Variants in CFAP20DC observed in about 807,000 individuals in gnomAD.
CFAP20DC encodes CFAP20 domain containing.
Under a neutral mutation model 101.7 loss-of-function variants are expected in CFAP20DC, and 84 were observed. The observed-to-expected ratio is 0.83, with a 90% confidence interval of 0.69 to 0.99. The LOEUF (loss-of-function observed/expected upper bound fraction) is 0.99. Among genes scored for constraint, CFAP20DC ranks in the 50% least tolerant of loss-of-function variants. The probability of loss-of-function intolerance (pLI) is 0.00; values close to 1 mark genes in which losing one functional copy is unlikely to be tolerated. For synonymous variants in CFAP20DC, 359 were observed against 351.2 expected (o/e 1.02, Z -0.25); for missense variants, 1,007 against 970.3 (o/e 1.04, Z -0.50).
chr3:58,870,916 A>G lies in CFAP20DC; in HGVS notation c.716-607T>C, dbSNP rs1364669252. On this transcript the variant is annotated intron_variant, in intron 7 of 16. Coordinates refer to ENST00000482387, the MANE Select transcript of CFAP20DC (RefSeq NM_001394063.1). ...TCTCAAAAAAAAAAAAAAAAAAAAA[A>G]AAAAAAAAGAAAAAAGGAAAAGCTA... 1.5e-4 allele frequency among the ~76,000 whole-genome samples: 23 copies of G among 150,208 alleles called. 1 individual carries two copies. Among genetic ancestry groups the G allele is most frequent in the African/African-American group, 5.1e-4 (21 of 41,182 alleles).
intron 5 of CFAP20DC, among the ~76,000 whole-genome samples, chr3:58,934,828 C>A (rs1390773477): frequency 1.3e-5 from 2 of 152,150 alleles, no homozygotes; most frequent in African/African-American, 2.4e-5. Flanking sequence ...ACTGAATGGG[C>A]AAAAACTGGA....
At chr3:58,819,957 C>T (rs2075502492) in intron 14 of CFAP20DC, among the ~76,000 whole-genome samples, 1 of 134,134 alleles carries the variant, frequency 7.5e-6, no homozygotes, top group Non-Finnish European at 1.6e-5. Context: ...ATCAAGTGGG[C>T]TTCATCCCTG....
Position 58,867,912 on chromosome 3 carries a change from G to A in CFAP20DC, c.1040C>T (p.Pro347Leu), listed in dbSNP as rs141916956. ...TGCTGATGGTTCTTGAGGGGGATGC[G>A]GATGCATAATATGTAGATTGGCTGC... ...IHAANLHIMH[P>L]HPPQEPSADK... Residue 347 changes from proline (P) to leucine (L), a missense_variant, in exon 10 of 17, where the codon CCG becomes CTG. Pro to Leu is a moderately conservative substitution (Grantham distance 98). Coordinates refer to ENST00000482387, the MANE Select transcript of CFAP20DC (RefSeq NM_001394063.1). 7.4e-6 allele frequency: 12 copies of A among 1,612,134 alleles called. No individual in the cohort carries two copies. Among genetic ancestry groups the A allele is most frequent in the Admixed American group, 5.0e-5 (3 of 59,832 alleles).
intron 7 of CFAP20DC, among the ~76,000 whole-genome samples, chr3:58,871,447 C>T (rs183544480): frequency 2.6e-5 from 4 of 152,234 alleles, no homozygotes; most frequent in Admixed American, 1.3e-4. Context: ...AATCCTGCTG[C>T]CTTCCCTTCT....
intron 4 of CFAP20DC, among the ~76,000 whole-genome samples, chr3:59,035,485 A>G (rs1242532878): frequency 6.6e-6 from 1 of 152,196 alleles, no homozygotes; most frequent in Non-Finnish European, 1.5e-5. Context: ...AATCAAAAAG[A>G]CACAATAAAA....
intron 12 of CFAP20DC, among the ~76,000 whole-genome samples, chr3:58,851,428 T>C (rs2078220113): frequency 1.3e-5 from 2 of 152,186 alleles, no homozygotes; most frequent in South Asian, 2.1e-4. Context: ...TATATCATAC[T>C]GAGTAATTCT....
At chr3:58,748,188 G>A (rs773061776) in intron 16 of CFAP20DC, among the ~76,000 whole-genome samples, 24 of 152,104 alleles carry the variant, frequency 1.6e-4, no homozygotes, top group Non-Finnish European at 2.6e-4. Flanking sequence ...AACTCTAAAC[G>A]CACTTTGTTA....
chr3:58,731,096 G>GA (rs1333697885), intron 3 of CFAP20DC, among the ~76,000 whole-genome samples: 2 of 152,134 alleles, frequency 1.3e-5, no homozygotes, highest in Non-Finnish European at 2.9e-5. Flanking sequence ...CTTTTCAGGA[G>GA]AAAAAAATTA....
At chr3:58,802,245 T>C (rs978320008) in intron 15 of CFAP20DC, among the ~76,000 whole-genome samples, 4 of 152,182 alleles carry the variant, frequency 2.6e-5, no homozygotes, top group Non-Finnish European at 4.4e-5. Context: ...CACAAACCAA[T>C]AGATGGCATT....
At chr3:58,760,454 T>C (rs1227536028) in intron 15 of CFAP20DC, among the ~76,000 whole-genome samples, 1 of 152,196 alleles carries the variant, frequency 6.6e-6, no homozygotes, top group African/African-American at 2.4e-5. Flanking sequence ...TGGGGTTTTC[T>C]AGATATACAA....
At chr3:58,950,491 T>C (rs898121480) in intron 4 of CFAP20DC, among the ~76,000 whole-genome samples, 1 of 152,110 alleles carries the variant, frequency 6.6e-6, no homozygotes, top group Non-Finnish European at 1.5e-5. Flanking sequence ...GGAGGCATCA[T>C]GCTACCTGAC....
At chr3:58,757,934 A>C (rs185069710) in intron 15 of CFAP20DC, among the ~76,000 whole-genome samples, 1 of 152,200 alleles carries the variant, frequency 6.6e-6, no homozygotes, top group African/African-American at 2.4e-5. Context: ...AAAATATAAA[A>C]AACTTTGGGC....
chr3:58,955,555 T>A (rs1351511116), intron 4 of CFAP20DC, among the ~76,000 whole-genome samples: 1 of 152,060 alleles, frequency 6.6e-6, no homozygotes, highest in Non-Finnish European at 1.5e-5. Flanking sequence ...ATCCCAGCAA[T>A]TAAAACTTAA....
Position 58,964,982 on chromosome 3 carries a change from A to G in CFAP20DC, c.279-27220T>C, listed in dbSNP as rs892600786. 2.6e-5 allele frequency among the ~76,000 whole-genome samples: 4 copies of G among 152,148 alleles called. No homozygotes were observed. The highest frequency in any genetic ancestry group is 6.5e-5 in the Admixed American group (1 of 15,270). On this transcript the variant is annotated intron_variant, in intron 4 of 16. Coordinates refer to ENST00000482387, the MANE Select transcript of CFAP20DC (RefSeq NM_001394063.1). This position sits in a 1 kb window ranked among gnomAD's most constrained non-coding sequence, Gnocchi z 4.1. Reference sequence around the variant, plus strand: ...CACATACTCACATCTTTGGAATTTAATTCATTTTCATTTTCATTTCTTTGC... The same window carrying G: ...CACATACTCACATCTTTGGAATTTAGTTCATTTTCATTTTCATTTCTTTGC...
At chr3:58,902,012 T>C (rs1310218033) in intron 6 of CFAP20DC, among the ~76,000 whole-genome samples, 1 of 152,228 alleles carries the variant, frequency 6.6e-6, no homozygotes, top group Non-Finnish European at 1.5e-5. Flanking sequence ...GAATCATACA[T>C]TATGTGACCT....
At chr3:58,980,943 A>T (rs2092512320) in intron 4 of CFAP20DC, among the ~76,000 whole-genome samples, 1 of 152,228 alleles carries the variant, frequency 6.6e-6, no homozygotes, top group Admixed American at 6.5e-5. Context: ...ACATGATTGT[A>T]TATCTAGAAA....
At chr3:58,738,140 CTA>C (rs1458693229), downstream of CFAP20DC, among the ~76,000 whole-genome samples, 4 of 152,058 alleles carry the variant, frequency 2.6e-5, no homozygotes, top group African/African-American at 7.2e-5. This position sits in a 1 kb window ranked among gnomAD's most constrained non-coding sequence, Gnocchi z 4.4. Context: ...AATAGAAATC[CTA>C]TGATAAAACC....
At chr3:59,020,675 G>A (rs2093785282) in intron 4 of CFAP20DC, among the ~76,000 whole-genome samples, 1 of 151,988 alleles carries the variant, frequency 6.6e-6, no homozygotes, top group South Asian at 2.1e-4. Context: ...TAACTGGGCT[G>A]GCCAATGAAT....
chr3:58,926,937 C>CATACTTTGGA (rs1270472645), intron 5 of CFAP20DC, among the ~76,000 whole-genome samples: 1 of 152,146 alleles, frequency 6.6e-6, no homozygotes, highest in Non-Finnish European at 1.5e-5. Context: ...ACTTACTGTA[C>CATACTTTGGA]ATTAATACAT....
Sources: allele counts gnomAD v4.1 joint callset (sites outside exome capture counted in the v4.1 genomes callset), GRCh38; gene constraint gnomAD v4.1.1; non-coding constraint Gnocchi (gnomAD v3.1); transcripts MANE v1.5; gene names NCBI Gene and HGNC (gene_info 2026-07-23, HGNC 2026-07-21).